GRK2: variants seen among roughly 807,000 people sequenced by gnomAD.
GRK2 encodes G protein-coupled receptor kinase 2, also known as adrenergic beta receptor kinase 1.
GRK2 carries 23 observed loss-of-function variants against 97.8 expected under a neutral mutation model. The ratio of observed to expected loss-of-function variants is 0.24; its 90% CI spans 0.17 to 0.33. The LOEUF is 0.33. Ranked by LOEUF, GRK2 falls within the 10% of genes least tolerant of loss-of-function variation. GRK2 has a pLI of 1.00. For missense variants in GRK2, 633 were observed against 956.9 expected (o/e 0.66, Z 4.47); for synonymous variants, 425 against 381.7 (o/e 1.11, Z -1.32).
At position 67,282,106 on chromosome 11, in the gene GRK2, C is replaced by T. The variant is rs1017679784; in HGVS notation, c.957+154C>T. ...CCCCTGCCCTTCCCACCGAGCCACTCTCTGGGTCCAGGTTGTAGCTGGGGA... is the reference window on the plus strand; with the variant it reads ...CCCCTGCCCTTCCCACCGAGCCACTTTCTGGGTCCAGGTTGTAGCTGGGGA... On this transcript the variant is annotated intron_variant, in intron 11 of 20. Transcript: ENST00000308595. This position sits in a 1 kb window ranked among gnomAD's most constrained non-coding sequence, Gnocchi z 6.9. 2.4e-6 allele frequency: 3 copies of T among 1,268,714 alleles called. No homozygotes were observed. Among genetic ancestry groups the T allele is most frequent in the African/African-American group, 3.0e-5 (2 of 67,272 alleles). 78.6% of individuals were successfully genotyped at this position (1,268,714 alleles called of 1,614,324 possible).
chr11:67,273,944 A>G (rs2136492798), intron 1 of GRK2, among the ~76,000 whole-genome samples: 1 of 151,348 alleles, frequency 6.6e-6, no homozygotes, highest in South Asian at 2.1e-4. Flanking sequence ...TTGTGTGTCC[A>G]GTTGAAAAGT....
In GRK2 at chr11:67,276,552, A is replaced by G. The variant is rs1187416042; in HGVS notation, c.114-720A>G. The G allele has an allele frequency of 6.6e-6, 1 of 152,224 alleles. No individual in the cohort carries two copies. The highest frequency in any genetic ancestry group is 1.5e-5 in the Non-Finnish European group (1 of 68,046). The allele number at this position is 152,224 out of a possible 1,614,324, so 9.4% of individuals were successfully genotyped here. ...CCAAGTACTAGGGACACACGAACCA[A>G]GGCATGGCCTTTTCTTACAATTTAA... On this transcript the variant is annotated intron_variant, in intron 1 of 20. Coordinates refer to ENST00000308595, the MANE Select transcript of GRK2 (RefSeq NM_001619.5). This position sits in a 1 kb window ranked among gnomAD's most constrained non-coding sequence, Gnocchi z 4.2.
At chr11:67,271,818 CG>C (rs948846391) in intron 1 of GRK2, among the ~76,000 whole-genome samples, 1 of 152,212 alleles carries the variant, frequency 6.6e-6, no homozygotes, top group African/African-American at 2.4e-5. Flanking sequence ...CGTCCTTGTT[CG>C]CCCCAGGGAG....
intron 17 of GRK2, 90 bp from the exon 18 acceptor site, chr11:67,284,121 C>T: frequency 6.4e-7 from 1 of 1,560,768 alleles, no homozygotes; most frequent in Non-Finnish European, 8.8e-7. Context: ...ACCATCCCTA[C>T]CCAGGGCCCT....
At chr11:67,277,209 T>C in intron 1 of GRK2, 63 bp from the exon 2 acceptor site, 1 of 1,557,464 alleles carries the variant, frequency 6.4e-7, no homozygotes, top group Non-Finnish European at 8.8e-7. Flanking sequence ...AGCTCGCGTT[T>C]CTGGGCCTGC....
chr11:67,281,276 G>T lies in GRK2; in HGVS notation c.647+92G>T. 1 of 1,213,342 alleles carries T rather than the reference G, an allele frequency of 8.2e-7. No homozygotes were observed. Among genetic ancestry groups the T allele is most frequent in the Non-Finnish European group, 1.2e-6 (1 of 841,228 alleles). 75.2% of individuals were successfully genotyped at this position (1,213,342 alleles called of 1,614,324 possible). ...CGGGTTCCACACAGGGCCACCTGCT[G>T]CTCCATGCACTCCTGTCTTGCCGTG... On this transcript the variant is annotated intron_variant, in intron 8 of 20. Coordinates refer to ENST00000308595, the MANE Select transcript of GRK2 (RefSeq NM_001619.5). This position sits in a 1 kb window ranked among gnomAD's most constrained non-coding sequence, Gnocchi z 5.7.
intron 17 of GRK2, 91 bp downstream of exon 17, chr11:67,284,040 T>G (rs1304035192): frequency 1.4e-6 from 2 of 1,408,384 alleles, no homozygotes; most frequent in African/African-American, 1.4e-5. Flanking sequence ...TGAGACCCTG[T>G]GCCAGCCCTG....
Position 67,276,002 on chromosome 11 carries a change from G to A in GRK2, c.114-1270G>A, listed in dbSNP as rs754893980. Among the ~76,000 whole-genome samples, 5 of 152,216 alleles carry A rather than the reference G, an allele frequency of 3.3e-5. No individual in the cohort carries two copies. Among genetic ancestry groups the A allele is most frequent in the Admixed American group, 6.5e-5 (1 of 15,292 alleles). ...TGACCACAGCCTGGGTGGCCAGTCC[G>A]ACCAGCCCTGGGCTGGGCTCCTAGG... is the stretch of plus-strand genomic sequence containing the variant. On this transcript the variant is annotated intron_variant, in intron 1 of 20. Coordinates refer to ENST00000308595, the MANE Select transcript of GRK2 (RefSeq NM_001619.5). This position sits in a 1 kb window ranked among gnomAD's most constrained non-coding sequence, Gnocchi z 4.2.
At chr11:67,267,231 G>C (rs1477970422) in intron 1 of GRK2, among the ~76,000 whole-genome samples, 2 of 152,314 alleles carry the variant, frequency 1.3e-5, no homozygotes, top group African/African-American at 4.8e-5. Flanking sequence ...CCCTCCGCTG[G>C]CCACCATTTA....
At chr11:67,280,999 C>G (rs1860136327) in intron 7 of GRK2, 94 bp from the exon 8 acceptor site, 1 of 1,234,492 alleles carries the variant, frequency 8.1e-7, no homozygotes, top group East Asian at 2.3e-5. Context: ...GTATGGGGAC[C>G]CTGGCATGGG....
chr11:67,275,772 T>C (rs1451168567), intron 1 of GRK2, among the ~76,000 whole-genome samples: 2 of 152,198 alleles, frequency 1.3e-5, no homozygotes, highest in Admixed American at 1.3e-4. Flanking sequence ...GAGATCCCAC[T>C]TGCACTCCAG....
At chr11:67,275,094 G>A (rs1239723746) in intron 1 of GRK2, among the ~76,000 whole-genome samples, 1 of 152,212 alleles carries the variant, frequency 6.6e-6, no homozygotes, top group Non-Finnish European at 1.5e-5. Context: ...CTCTGAGGGT[G>A]GGGAGCAGGC....
In GRK2 at chr11:67,286,528, T is replaced by G. The variant is rs1434145039; in HGVS notation, c.*1078T>G. 1 of 701,508 alleles carries G rather than the reference T, an allele frequency of 1.4e-6. No individual in the cohort carries two copies. Among genetic ancestry groups the G allele is most frequent in the Admixed American group, 2.0e-5 (1 of 49,954 alleles). The allele number at this position is 701,508 out of a possible 1,614,324, so 43.5% of individuals were successfully genotyped here. A position where few individuals can be genotyped will look rare whatever the true frequency, so the allele number is the denominator to read the frequency against. ...GATTTTAAAGAGTGAAAAATGAGACTATGCGTTTTTATAAAAAATGGTGCC... is the reference window on the plus strand; with the variant it reads ...GATTTTAAAGAGTGAAAAATGAGACGATGCGTTTTTATAAAAAATGGTGCC... On this transcript the variant is annotated 3_prime_UTR_variant, in exon 21 of 21. Transcript: ENST00000308595.
chr11:67,281,359 A>T lies in GRK2; in HGVS notation c.648-100A>T, dbSNP rs892817646. On this transcript the variant is annotated intron_variant, in intron 8 of 20. Coordinates refer to ENST00000308595, the MANE Select transcript of GRK2 (RefSeq NM_001619.5). The surrounding 1 kb of genome is among the most constrained non-coding windows in gnomAD (Gnocchi z 5.7). Reference sequence around the variant, plus strand: ...CCTCCCTGTCTCTGATTTGTGTCACACGCTGGTCCTGGGTCTAGTCTTTCC... The same window carrying T: ...CCTCCCTGTCTCTGATTTGTGTCACTCGCTGGTCCTGGGTCTAGTCTTTCC... The T allele has an allele frequency of 6.3e-5, 77 of 1,213,034 alleles. No individual in the cohort carries two copies. Among genetic ancestry groups the T allele is most frequent in the Middle Eastern group, 1.9e-4 (1 of 5,262 alleles). The allele number at this position is 1,213,034 out of a possible 1,614,324, so 75.1% of individuals were successfully genotyped here. A position where few individuals can be genotyped will look rare whatever the true frequency, so the allele number is the denominator to read the frequency against.
intron 1 of GRK2, among the ~76,000 whole-genome samples, chr11:67,267,299 G>C (rs973006499): frequency 2.0e-5 from 3 of 152,210 alleles, no homozygotes; most frequent in Non-Finnish European, 2.9e-5. Flanking sequence ...ACTCGCTTTA[G>C]GGTTTCCACT....
chr11:67,286,264 G>C lies in GRK2; in HGVS notation c.*814G>C, dbSNP rs539558833. 29 of 609,078 alleles carry C rather than the reference G, an allele frequency of 4.8e-5. No homozygotes were observed. In the African/African-American group the frequency reaches 5.5e-4, roughly 12 times the overall value. The allele number at this position is 609,078 out of a possible 1,614,324, so 37.7% of individuals were successfully genotyped here. A position where few individuals can be genotyped will look rare whatever the true frequency, so the allele number is the denominator to read the frequency against. ...GGTGGGCGGGCAGCACAGCAAGGAGGCTGGCTGGGGCCTATCAGTGTGCCC... is the reference window on the plus strand; with the variant it reads ...GGTGGGCGGGCAGCACAGCAAGGAGCCTGGCTGGGGCCTATCAGTGTGCCC... On this transcript the variant is annotated 3_prime_UTR_variant, in exon 21 of 21. Coordinates refer to ENST00000308595, the MANE Select transcript of GRK2 (RefSeq NM_001619.5).
chr11:67,281,713 C>T lies in GRK2; in HGVS notation c.811C>T (p.Leu271=). The T allele has an allele frequency of 6.2e-7, 1 of 1,613,628 alleles. No individual in the cohort carries two copies. Among genetic ancestry groups the T allele is most frequent in the South Asian group, 1.1e-5 (1 of 91,082 alleles). Residue 271 remains leucine (L), a synonymous_variant, in exon 10 of 21, where the codon CTG becomes TTG. Transcript: ENST00000308595. The surrounding 1 kb of genome is among the most constrained non-coding windows in gnomAD (Gnocchi z 5.7). ...FHTPDKLSFI[L]DLMNGGDLHY... ...CACGCCAGACAAGCTCAGCTTCATC[C>T]TGGACCTCATGAACGGTGAGTGCTG...
intron 1 of GRK2, among the ~76,000 whole-genome samples, chr11:67,275,532 C>T (rs1268092760): frequency 4.1e-5 from 6 of 147,542 alleles, no homozygotes; most frequent in South Asian, 2.3e-4. Context: ...CTCCGCGTGG[C>T]GCCTCCAGTG....
chr11:67,279,303 G>C, intron 3 of GRK2, 30 bp downstream of exon 3: 7 of 1,612,442 alleles, frequency 4.3e-6, no homozygotes, highest in Non-Finnish European at 5.9e-6. Flanking sequence ...GCCCTGCTCT[G>C]CCTGGAGAAA....
Sources: allele counts gnomAD v4.1 joint callset (sites outside exome capture counted in the v4.1 genomes callset), GRCh38; gene constraint gnomAD v4.1.1; non-coding constraint Gnocchi (gnomAD v3.1); transcripts MANE v1.5; gene names NCBI Gene and HGNC (gene_info 2026-07-23, HGNC 2026-07-21).